Variants in PKIG observed in about 807,000 individuals in gnomAD.
PKIG encodes the protein cAMP-dependent protein kinase inhibitor gamma.
Under a neutral mutation model 6.8 loss-of-function variants are expected in PKIG, and 1 was observed. The ratio of observed to expected loss-of-function variants is 0.15; its 90% CI spans 0.05 to 0.69. The LOEUF (loss-of-function observed/expected upper bound fraction) is 0.69, where lower values mean the gene tolerates loss of function less well. Among genes scored for constraint, PKIG ranks in the 30% least tolerant of loss-of-function variants. The pLI is 0.82. For missense variants in PKIG, 77 were observed against 104.0 expected, an observed-to-expected ratio of 0.74 and a Z score of 1.13; for synonymous variants, 39 against 43.0, an observed-to-expected ratio of 0.91 and a Z score of 0.36.
intron 1 of PKIG, among the ~76,000 whole-genome samples, chr20:44,566,966 G>C (rs775498933): frequency 2.0e-5 from 3 of 152,164 alleles, no homozygotes; most frequent in Non-Finnish European, 4.4e-5. Context: ...AATTATCCAA[G>C]ATCTGTTTCA....
upstream of PKIG, among the ~76,000 whole-genome samples, chr20:44,579,814 T>C (rs1252234205): frequency 6.6e-6 from 1 of 152,236 alleles, no homozygotes; most frequent in Non-Finnish European, 1.5e-5. Context: ...GGCTCCTTAC[T>C]ATTATTTTTG....
At chr20:44,544,163 A>G (rs1215430935) in intron 1 of PKIG, among the ~76,000 whole-genome samples, 1 of 151,996 alleles carries the variant, frequency 6.6e-6, no homozygotes, top group Non-Finnish European at 1.5e-5. Context: ...ACTGGGTCAT[A>G]TGCTCATTCC....
intron 2 of PKIG, among the ~76,000 whole-genome samples, chr20:44,592,030 G>C (rs917852313): frequency 4.6e-5 from 7 of 152,178 alleles, no homozygotes; most frequent in Admixed American, 3.9e-4. Flanking sequence ...TGTGTGCTTG[G>C]CACCACCCAC....
intron 1 of PKIG, among the ~76,000 whole-genome samples, chr20:44,570,976 G>A (rs1426598808): frequency 6.6e-6 from 1 of 152,184 alleles, no homozygotes; most frequent in African/African-American, 2.4e-5. Context: ...GCTCACGCCT[G>A]TAATTCCAGC....
rs537381342 is a variant in PKIG, at chr20:44,616,332, G to C, written c.151+1625G>C. Among the ~76,000 whole-genome samples the C allele has an allele frequency of 2.0e-5, 3 of 152,262 alleles. No individual in the cohort carries two copies. In the East Asian group the frequency reaches 5.8e-4, roughly 29 times the overall value. Reference sequence around the variant, plus strand: ...TTCTCCAGCACAGGCTCTGTGTCTTGTGCCCTCGGTGCCTGGTGGTGTTTG... The same window carrying C: ...TTCTCCAGCACAGGCTCTGTGTCTTCTGCCCTCGGTGCCTGGTGGTGTTTG... On this transcript the variant is annotated intron_variant, in intron 3 of 3. Coordinates refer to ENST00000372886, the MANE Select transcript of PKIG (RefSeq NM_001281445.2).
upstream of PKIG, among the ~76,000 whole-genome samples, chr20:44,579,080 G>A (rs1312825458): frequency 6.6e-6 from 1 of 152,142 alleles, no homozygotes; most frequent in East Asian, 1.9e-4. Context: ...TTTGGGGTTT[G>A]TTTATGGATT....
upstream of PKIG, among the ~76,000 whole-genome samples, chr20:44,582,204 T>G (rs1471831087): frequency 2.0e-5 from 3 of 151,930 alleles, no homozygotes; most frequent in Non-Finnish European, 4.4e-5. Flanking sequence ...GGGGTGAAGA[T>G]CTCCACCCTA....
At chr20:44,574,503 C>T (rs544784176) in intron 1 of PKIG, among the ~76,000 whole-genome samples, 2 of 152,306 alleles carry the variant, frequency 1.3e-5, no homozygotes, top group East Asian at 3.9e-4. Context: ...TCCCCTGCCA[C>T]TAGATTATTT....
intron 2 of PKIG, among the ~76,000 whole-genome samples, chr20:44,612,455 C>T (rs1344327958): frequency 6.6e-6 from 1 of 152,182 alleles, no homozygotes; most frequent in Non-Finnish European, 1.5e-5. Context: ...ACCACCCCTC[C>T]CACTTACTAA....
chr20:44,587,566 T>A (rs758062068), intron 1 of PKIG, among the ~76,000 whole-genome samples: 5 of 152,204 alleles, frequency 3.3e-5, no homozygotes, highest in Non-Finnish European at 7.3e-5. Context: ...TCACCACTGA[T>A]TTTCCGTTGG....
intron 1 of PKIG, among the ~76,000 whole-genome samples, chr20:44,566,735 A>G (rs150186495): frequency 0.023 from 3,563 of 152,256 alleles, 65 homozygotes; most frequent in Middle Eastern, 0.034. Context: ...AATCCCAGCT[A>G]CTCGGGAGGC....
chr20:44,534,595 A>T (rs2064496159), intron 1 of PKIG, among the ~76,000 whole-genome samples: 1 of 151,774 alleles, frequency 6.6e-6, no homozygotes. Context: ...CAGCCCCCCA[A>T]GTAGCTGGGA....
At position 44,586,160 on chromosome 20, in the gene PKIG, C is replaced by T. The variant is rs140946683; in HGVS notation, c.-94+3429C>T. Among the ~76,000 whole-genome samples the T allele has an allele frequency of 2.4e-3, 368 of 152,296 alleles. 2 individuals are homozygous for T. The highest frequency in any genetic ancestry group is 0.013 in the South Asian group (63 of 4,826). ...ACCTCACTTTATAGAACCTACTTCT[C>T]TTTCTGTCAAGTGGGGGGTCACAGT... On this transcript the variant is annotated intron_variant, in intron 1 of 3. Transcript: ENST00000372886.
At chr20:44,571,163 G>T (rs371358145) in intron 1 of PKIG, among the ~76,000 whole-genome samples, 1 of 152,056 alleles carries the variant, frequency 6.6e-6, no homozygotes, top group African/African-American at 2.4e-5. Context: ...AAACCCAGGA[G>T]GCGGAGGTTG....
chr20:44,613,568 A>G (rs1055970122), intron 2 of PKIG, among the ~76,000 whole-genome samples: 4 of 152,108 alleles, frequency 2.6e-5, no homozygotes, highest in African/African-American at 9.7e-5. Flanking sequence ...GTTCTTCCAT[A>G]TGTCAGCAAA....
At chr20:44,541,176 G>T (rs1163353383) in intron 1 of PKIG, among the ~76,000 whole-genome samples, 1 of 152,220 alleles carries the variant, frequency 6.6e-6, no homozygotes, top group Non-Finnish European at 1.5e-5. Flanking sequence ...GACATGAGCA[G>T]TGGGATGTTT....
chr20:44,552,220 C>T (rs374576897), intron 1 of PKIG, among the ~76,000 whole-genome samples: 90 of 152,314 alleles, frequency 5.9e-4, no homozygotes, highest in Middle Eastern at 3.4e-3. Context: ...GTTGTTTGCG[C>T]GTATTTCTCA....
chr20:44,585,709 T>C (rs899008680), intron 1 of PKIG, among the ~76,000 whole-genome samples: 2 of 152,204 alleles, frequency 1.3e-5, no homozygotes, highest in Non-Finnish European at 2.9e-5. Context: ...GTCAGAGTGG[T>C]GTTTTGTTTT....
chr20:44,618,208 T>C (rs969124272), intron 3 of PKIG, 77 bp from the exon 4 acceptor site: 33 of 922,580 alleles, frequency 3.6e-5, no homozygotes, highest in Non-Finnish European at 5.1e-5. Context: ...TCAGTTTGGC[T>C]GGGCCCTTTC....
Sources: gnomAD v4.1 joint callset for allele counts (sites outside exome capture counted in the v4.1 genomes callset) on GRCh38, gnomAD v4.1.1 for gene constraint, MANE v1.5 for transcripts, NCBI Gene and HGNC (gene_info 2026-07-23, HGNC 2026-07-21) for gene names.